The following POU6F2 variants were observed in gnomAD, a reference collection of about 807,000 sequenced individuals.
The protein encoded by POU6F2 is POU class 6 homeobox 2.
A neutral mutation model predicts 71.3 loss-of-function variants in POU6F2; 31 were observed. That is an observed-to-expected ratio of 0.43 (90% CI 0.33 to 0.59). POU6F2 has a LOEUF of 0.59. Among genes scored for constraint, POU6F2 ranks in the 20% least tolerant of loss-of-function variants. POU6F2 has a pLI of 0.04. For synonymous variants in POU6F2, 347 were observed against 355.7 expected, an observed-to-expected ratio of 0.98 and a Z score of 0.27; for missense variants, 783 against 856.8, an observed-to-expected ratio of 0.91 and a Z score of 1.07.
intron 6 of POU6F2, among the ~76,000 whole-genome samples, chr7:39,427,569 G>A (rs1465450551): frequency 6.6e-6 from 1 of 152,166 alleles, no homozygotes; most frequent in Non-Finnish European, 1.5e-5. Flanking sequence ...GTCTGTGAGT[G>A]TGTTTCTAAA....
At position 39,347,139 on chromosome 7, in the gene POU6F2, T is replaced by G. The variant is rs185223952; in HGVS notation, c.972+7124T>G. ...TTAAATGCAATGGCTTATGTGAGGG[T>G]ATCTAATTTGGTTCCTGATAGATAT... On this transcript the variant is annotated intron_variant, in intron 5 of 9. Coordinates refer to ENST00000518318, the MANE Select transcript of POU6F2 (RefSeq NM_001370959.1). Among the ~76,000 whole-genome samples the G allele has an allele frequency of 2.6e-5, 4 of 152,284 alleles. No individual in the cohort carries two copies. In the East Asian group the frequency reaches 7.7e-4, roughly 29 times the overall value.
chr7:39,227,211 C>T (rs1415088415), intron 4 of POU6F2, among the ~76,000 whole-genome samples: 2 of 152,168 alleles, frequency 1.3e-5, no homozygotes, highest in South Asian at 2.1e-4. Context: ...TTAAATAAAT[C>T]CACTAAATGT....
chr7:39,286,147 G>A (rs942404096), intron 4 of POU6F2, among the ~76,000 whole-genome samples: 1 of 152,146 alleles, frequency 6.6e-6, no homozygotes, highest in African/African-American at 2.4e-5. Flanking sequence ...GTGGGAAGTG[G>A]GGAGGGAACC....
intron 1 of POU6F2, among the ~76,000 whole-genome samples, chr7:39,046,171 C>T (rs750695865): frequency 3.9e-4 from 60 of 151,988 alleles, no homozygotes; most frequent in Non-Finnish European, 7.2e-4. Flanking sequence ...ATTGTGGTAT[C>T]TCATTGTGGT....
chr7:39,034,651 G>A (rs1400460924), intron 1 of POU6F2, among the ~76,000 whole-genome samples: 1 of 152,134 alleles, frequency 6.6e-6, no homozygotes, highest in African/African-American at 2.4e-5. Flanking sequence ...ATTTAAAGTG[G>A]ACACTGCTGG....
rs1788445632 is a variant in POU6F2 at position 38,985,676 on chromosome 7, G to A, written c.105+7618G>A. Among the ~76,000 whole-genome samples the A allele has an allele frequency of 2.6e-5, 4 of 152,226 alleles. No homozygotes were observed. The South Asian group carries it at 6.2e-4, about 24-fold the overall frequency. On this transcript the variant is annotated intron_variant, in intron 1 of 9. Transcript: ENST00000518318. ...AAATTTCTCTCTGTTCATATCAGCA[G>A]ATGGTGTTCCAGGGTCTTAAAAGTA...
rs1451416790 is a variant in POU6F2 at position 39,406,580 on chromosome 7, G to C, written c.973-20G>C. 6 of 1,587,258 alleles carry C rather than the reference G, an allele frequency of 3.8e-6. No individual in the cohort carries two copies. Among genetic ancestry groups the C allele is most frequent in the Non-Finnish European group, 5.1e-6 (6 of 1,165,528 alleles). On this transcript the variant is annotated intron_variant, in intron 5 of 9. Transcript: ENST00000518318. ...TGTGCCTCTCGGTGGTTTTCACGGTGATCTTTTCTCTCTTTGCAGCTGGTT... is the reference window on the plus strand; with the variant it reads ...TGTGCCTCTCGGTGGTTTTCACGGTCATCTTTTCTCTCTTTGCAGCTGGTT...
chr7:39,336,964 C>T (rs11514785), intron 4 of POU6F2, among the ~76,000 whole-genome samples: 27,496 of 152,162 alleles, frequency 0.18, 2,991 homozygotes, highest in East Asian at 0.58. Flanking sequence ...CTTCCACAGA[C>T]TTGCTTTTCA....
intron 4 of POU6F2, among the ~76,000 whole-genome samples, chr7:39,234,456 G>C (rs946981233): frequency 6.6e-6 from 1 of 152,100 alleles, no homozygotes; most frequent in Non-Finnish European, 1.5e-5. Flanking sequence ...TTGACCTGCA[G>C]AAAGTTAATA....
At chr7:38,984,053 A>G (rs1475942805) in intron 1 of POU6F2, among the ~76,000 whole-genome samples, 2 of 152,092 alleles carry the variant, frequency 1.3e-5, no homozygotes, top group African/African-American at 2.4e-5. Context: ...TCCTTTCAAC[A>G]GCACTTTTTT....
chr7:39,384,020 G>T (rs938742593), intron 5 of POU6F2, among the ~76,000 whole-genome samples: 3 of 152,118 alleles, frequency 2.0e-5, no homozygotes, highest in African/African-American at 7.2e-5. Context: ...CCCAGATAGG[G>T]GTCTCAAAAT....
At chr7:39,457,977 G>GT (rs1788843243) in intron 8 of POU6F2, among the ~76,000 whole-genome samples, 1 of 152,030 alleles carries the variant, frequency 6.6e-6, no homozygotes, top group Non-Finnish European at 1.5e-5. Context: ...ATTTTTAGGT[G>GT]TTTTGTTTTT....
intron 2 of POU6F2, among the ~76,000 whole-genome samples, chr7:39,179,672 G>A (rs574149925): frequency 6.6e-6 from 1 of 152,332 alleles, no homozygotes; most frequent in African/African-American, 2.4e-5. Flanking sequence ...CCGGCTCATA[G>A]ACCATGCTTT....
intron 2 of POU6F2, among the ~76,000 whole-genome samples, chr7:39,165,268 TG>T (rs1793089459): frequency 1.3e-5 from 2 of 152,200 alleles, no homozygotes; most frequent in African/African-American, 2.4e-5. Flanking sequence ...TAAGCCAGGC[TG>T]TGGCTACCCA....
intron 1 of POU6F2, chr7:38,984,803 T>G (rs533945932): frequency 6.6e-6 from 1 of 152,290 alleles, no homozygotes; most frequent in Admixed American, 6.5e-5. Context: ...TTTAAAACTA[T>G]TTTTAGAAGA....
intron 2 of POU6F2, among the ~76,000 whole-genome samples, chr7:39,167,506 A>G (rs989340061): frequency 1.3e-4 from 20 of 152,140 alleles, no homozygotes; most frequent in African/African-American, 4.3e-4. Context: ...CAGTGTGACT[A>G]TTACTACCAG....
chr7:39,163,102 A>G (rs1793032339), intron 2 of POU6F2, among the ~76,000 whole-genome samples: 2 of 152,348 alleles, frequency 1.3e-5, no homozygotes, highest in Admixed American at 6.5e-5. Flanking sequence ...TTTTAAATGC[A>G]ATGTGTCAAA....
At position 39,464,369 on chromosome 7, in the gene POU6F2, G is replaced by A. The variant is rs1221128887; in HGVS notation, c.1846G>A (p.Ala616Thr). 1 of 1,614,024 alleles carries A rather than the reference G, an allele frequency of 6.2e-7. No homozygotes were observed. The highest frequency in any genetic ancestry group is 2.2e-5 in the East Asian group (1 of 44,882). The change falls in exon 10 of 10, where the codon GCC (alanine) becomes ACC (threonine). Residue 616 changes from alanine (A) to threonine (T), a missense_variant. By Grantham distance (58) the Ala-to-Thr change is moderately conservative. Around this residue, in one of 2 missense-constraint regions of POU6F2, gnomAD observed 211 missense variants for 283.9 expected, o/e 0.74. Transcript: ENST00000518318. The surrounding 1 kb of genome is among the most constrained non-coding windows in gnomAD (Gnocchi z 4.1). ...TGAGCGGTGGATGGCTGAGGCTGAG[G>A]CCCGCCATCGAGCAGGTATGCAGAA... is the stretch of plus-strand genomic sequence containing the variant. ...VLERWMAEAE[A>T]RHRAGMQNLT... is the part of the protein sequence containing the mutation.
chr7:39,431,561 GAC>G (rs1788101930), intron 6 of POU6F2, among the ~76,000 whole-genome samples: 1 of 152,160 alleles, frequency 6.6e-6, no homozygotes, highest in South Asian at 2.1e-4. Flanking sequence ...TTGCAAACAA[GAC>G]ACACAGTGTG....
Sources: allele counts gnomAD v4.1 joint callset (sites outside exome capture counted in the v4.1 genomes callset), GRCh38; gene constraint gnomAD v4.1.1; regional missense constraint gnomAD v4.1.1; non-coding constraint Gnocchi (gnomAD v3.1); transcripts MANE v1.5; gene names NCBI Gene and HGNC (gene_info 2026-07-23, HGNC 2026-07-21).